Variants in UGGT2 observed in about 807,000 individuals in gnomAD.
UGGT2 encodes UDP-glucose glycoprotein glucosyltransferase 2.
In UGGT2, 180 loss-of-function variants were observed where a neutral mutation model predicts 192.1. The ratio of observed to expected loss-of-function variants is 0.94; its 90% CI spans 0.83 to 1.06. The LOEUF is 1.06. Ranked by LOEUF, UGGT2 falls within the 50% of genes least tolerant of loss-of-function variation. UGGT2 has a pLI of 0.00. For synonymous variants in UGGT2, 580 were observed against 591.0 expected, an observed-to-expected ratio of 0.98 and a Z score of 0.27; for missense variants, 1,849 against 1,795.7, an observed-to-expected ratio of 1.03 and a Z score of -0.54.
At chr13:95,962,689 A>G (rs1168959356) in intron 12 of UGGT2, among the ~76,000 whole-genome samples, 1 of 152,222 alleles carries the variant, frequency 6.6e-6, no homozygotes, top group African/African-American at 2.4e-5. Context: ...CCTAACTCAC[A>G]TTCTATGAAA....
At chr13:95,993,303 T>A (rs1421242663) in intron 7 of UGGT2, among the ~76,000 whole-genome samples, 2 of 152,154 alleles carry the variant, frequency 1.3e-5, no homozygotes, top group Non-Finnish European at 2.9e-5. Flanking sequence ...ACTACCTGGG[T>A]GATGGGATCA....
chr13:95,968,742 T>C (rs528667920), intron 12 of UGGT2, among the ~76,000 whole-genome samples: 1 of 152,186 alleles, frequency 6.6e-6, no homozygotes, highest in South Asian at 2.1e-4. Flanking sequence ...TTTTTATGAA[T>C]TACCCAGTCT....
At chr13:95,931,779 T>C (rs949560526) in intron 17 of UGGT2, among the ~76,000 whole-genome samples, 3 of 151,958 alleles carry the variant, frequency 2.0e-5, no homozygotes, top group South Asian at 4.2e-4. Flanking sequence ...CGCTGGCCCA[T>C]GAACGTGGCG....
At chr13:95,886,042 A>T (rs2047637113) in intron 26 of UGGT2, among the ~76,000 whole-genome samples, 1 of 152,204 alleles carries the variant, frequency 6.6e-6, no homozygotes, top group Non-Finnish European at 1.5e-5. Context: ...TAGTATAGAG[A>T]TTAAAGATCC....
intron 17 of UGGT2, 142 bp downstream of exon 17, chr13:95,936,782 A>G (rs1396642285): frequency 3.4e-6 from 3 of 878,634 alleles, no homozygotes; most frequent in Admixed American, 3.5e-5. Context: ...TTAAGCTGCT[A>G]AAAGTATCAT....
In UGGT2 at chr13:95,890,882, T is replaced by C; in HGVS notation, c.2938A>G (p.Lys980Glu). ...IVDPLTREAQ[K>E]MAQLLVVLGK... Reference sequence around the variant, plus strand: ...CTTACAACCAACAACTGTGCCATTTTCTGTGCTTCTCTTGTTAATGGATCA... The same window carrying C: ...CTTACAACCAACAACTGTGCCATTTCCTGTGCTTCTCTTGTTAATGGATCA... The change falls in exon 25 of 39, where the codon AAA (lysine) becomes GAA (glutamate). Residue 980 changes from lysine (K) to glutamate (E), a missense_variant. Physicochemically the swap from Lys to Glu is moderately conservative, Grantham distance 56 (BLOSUM62 1). Transcript: ENST00000376747. 1 of 1,612,476 alleles carries C rather than the reference T, an allele frequency of 6.2e-7. No homozygotes were observed. The highest frequency in any genetic ancestry group is 8.5e-7 in the Non-Finnish European group (1 of 1,179,232).
chr13:96,034,191 G>A (rs1042120877), intron 1 of UGGT2, among the ~76,000 whole-genome samples: 10 of 152,180 alleles, frequency 6.6e-5, no homozygotes, highest in South Asian at 2.1e-4. Flanking sequence ...CCCAGACATC[G>A]GGATGACCTG....
intron 38 of UGGT2, among the ~76,000 whole-genome samples, chr13:95,815,258 A>T (rs1224718472): frequency 6.6e-6 from 1 of 152,204 alleles, no homozygotes; most frequent in Non-Finnish European, 1.5e-5. Context: ...AAGACTGGAA[A>T]GGAAAAAGTA....
At chr13:95,939,820 C>G (rs1486062713) in intron 16 of UGGT2, 137 bp downstream of exon 16, 1 of 643,276 alleles carries the variant, frequency 1.6e-6, no homozygotes, top group Non-Finnish European at 2.4e-6. Context: ...TTCTGCCATC[C>G]CCAGCCTCTG....
intron 38 of UGGT2, among the ~76,000 whole-genome samples, chr13:95,811,066 C>T (rs905343748): frequency 4.6e-5 from 7 of 152,138 alleles, no homozygotes; most frequent in African/African-American, 1.7e-4. Context: ...TACTACTTCT[C>T]AGCCACTATG....
At chr13:95,951,045 G>C (rs1004935255) in intron 12 of UGGT2, among the ~76,000 whole-genome samples, 1 of 152,106 alleles carries the variant, frequency 6.6e-6, no homozygotes, top group African/African-American at 2.4e-5. Flanking sequence ...GATAATCCAG[G>C]TATGAGTTTA....
Position 95,853,502 on chromosome 13 carries a change from T to G in UGGT2, c.4284+41A>C, listed in dbSNP as rs761277354. ...ATGAGCACGGAGTTGGAACAGTCTA[T>G]GTACACACACTCAAAATTATTCTGT... On this transcript the variant is annotated intron_variant, in intron 36 of 38. Transcript: ENST00000376747. The G allele has an allele frequency of 5.2e-6, 8 of 1,548,470 alleles. No homozygotes were observed. In the Admixed American group the frequency reaches 1.2e-4, roughly 23 times the overall value.
At chr13:96,000,300 C>CT (rs1200081444) in intron 5 of UGGT2, among the ~76,000 whole-genome samples, 2 of 152,178 alleles carry the variant, frequency 1.3e-5, no homozygotes, top group Non-Finnish European at 2.9e-5. Flanking sequence ...GTATTCTCTT[C>CT]TTTCCTCCCT....
chr13:95,963,289 A>G (rs2050460616), intron 12 of UGGT2, among the ~76,000 whole-genome samples: 1 of 152,186 alleles, frequency 6.6e-6, no homozygotes, highest in Non-Finnish European at 1.5e-5. Context: ...CATCAATAGA[A>G]GAAAAAAAAA....
At chr13:95,814,630 C>T (rs1225273988) in intron 38 of UGGT2, among the ~76,000 whole-genome samples, 16 of 152,148 alleles carry the variant, frequency 1.1e-4, no homozygotes, top group Admixed American at 1.0e-3. Context: ...TACAATCATG[C>T]CTTCCCAATA....
chr13:96,040,457 G>T (rs1407988889), intron 1 of UGGT2, among the ~76,000 whole-genome samples: 1 of 152,092 alleles, frequency 6.6e-6, no homozygotes, highest in Non-Finnish European at 1.5e-5. Flanking sequence ...AATCCAAGAT[G>T]ATCTCATCTC....
chr13:96,043,349 C>A (rs534552952), intron 1 of UGGT2, among the ~76,000 whole-genome samples: 72 of 152,306 alleles, frequency 4.7e-4, no homozygotes, highest in African/African-American at 1.7e-3. Flanking sequence ...TCCAGCACCA[C>A]AAGAACTGCT....
chr13:95,932,367 T>TG (rs1449753015), intron 17 of UGGT2, among the ~76,000 whole-genome samples: 1 of 145,908 alleles, frequency 6.9e-6, no homozygotes, highest in Non-Finnish European at 1.5e-5. Context: ...CTATTGTAAA[T>TG]GGGACTGCAT....
At chr13:95,965,570 C>A (rs889140239) in intron 12 of UGGT2, among the ~76,000 whole-genome samples, 2 of 127,156 alleles carry the variant, frequency 1.6e-5, no homozygotes, top group African/African-American at 6.2e-5. Context: ...GGAAGGGGAA[C>A]ATCACACTCT....
Sources: gnomAD v4.1 joint callset for allele counts (sites outside exome capture counted in the v4.1 genomes callset) on GRCh38, gnomAD v4.1.1 for gene constraint, MANE v1.5 for transcripts, NCBI Gene and HGNC (gene_info 2026-07-23, HGNC 2026-07-21) for gene names.